AOPEP: variants seen among roughly 807,000 people sequenced by gnomAD.
AOPEP encodes the protein aminopeptidase O.
In AOPEP, 77 loss-of-function variants were observed where a neutral mutation model predicts 98.1. The observed-to-expected ratio is 0.78, with a 90% CI of 0.65 to 0.95. The LOEUF is 0.95. Among genes scored for constraint, AOPEP ranks in the 40% least tolerant of loss-of-function variants. The probability of loss-of-function intolerance (pLI) is 0.00; values close to 1 mark genes in which losing one functional copy is unlikely to be tolerated. For synonymous variants in AOPEP, 346 were observed against 365.3 expected, an observed-to-expected ratio of 0.95 and a Z score of 0.60; for missense variants, 1,024 against 1,024.7, an observed-to-expected ratio of 1.00 and a Z score of 0.01.
At chr9:94,965,179 T>C (rs558584007) in intron 9 of AOPEP, among the ~76,000 whole-genome samples, 2 of 152,384 alleles carry the variant, frequency 1.3e-5, no homozygotes, top group East Asian at 3.9e-4. Flanking sequence ...TATTTTTCTC[T>C]GTATATCCAC....
chr9:94,810,851 A>G (rs1850413050), intron 5 of AOPEP, among the ~76,000 whole-genome samples: 2 of 152,176 alleles, frequency 1.3e-5, no homozygotes, highest in Admixed American at 1.3e-4. Flanking sequence ...ACAGATCTCA[A>G]GGGCAGGGGC....
chr9:94,762,122 A>G (rs1838444326), intron 2 of AOPEP, among the ~76,000 whole-genome samples: 1 of 152,218 alleles, frequency 6.6e-6, no homozygotes, highest in African/African-American at 2.4e-5. Context: ...AAAAGTGATG[A>G]GTACTTACAG....
At chr9:95,113,381 A>G in the AOPEP span, among the ~76,000 whole-genome samples, 1 of 152,216 alleles carries the variant, frequency 6.6e-6, no homozygotes, top group Non-Finnish European at 1.5e-5. Context: ...GACAATGAAT[A>G]AAATTATACT....
In AOPEP at chr9:94,967,755, C is replaced by A; in HGVS notation, c.1873-3C>A. 6.2e-7 allele frequency: 1 copy of A among 1,612,276 alleles called. No individual in the cohort carries two copies. The highest frequency in any genetic ancestry group is 8.5e-7 in the Non-Finnish European group (1 of 1,178,536). On this transcript the variant is annotated splice_polypyrimidine_tract_variant and splice_region_variant and intron_variant, in intron 9 of 16. Coordinates refer to ENST00000375315, the MANE Select transcript of AOPEP (RefSeq NM_001193329.3). ...TTTAATGATTTGCTTTTTTTAATCC[C>A]AGGATTTCCTTCAAATGCTACTGGA...
intron 7 of AOPEP, among the ~76,000 whole-genome samples, chr9:94,946,995 G>A (rs2057706804): frequency 7.0e-6 from 1 of 143,320 alleles, no homozygotes; most frequent in East Asian, 2.0e-4. Flanking sequence ...TTTTTTTTTC[G>A]AGATAGAGTC....
intron 7 of AOPEP, among the ~76,000 whole-genome samples, chr9:94,931,112 A>G (rs1329063190): frequency 6.6e-6 from 1 of 152,028 alleles, no homozygotes; most frequent in African/African-American, 2.4e-5. Context: ...TGTGTTTCCA[A>G]CTTGTAAGCA....
intron 16 of AOPEP, chr9:95,085,257 A>T: frequency 2.0e-6 from 1 of 493,268 alleles, no homozygotes; most frequent in Non-Finnish European, 4.2e-6. Context: ...TTGTGACTTA[A>T]GATTAAAATC....
the AOPEP span, among the ~76,000 whole-genome samples, chr9:95,119,627 G>A: frequency 6.6e-6 from 1 of 152,076 alleles, no homozygotes; most frequent in African/African-American, 2.4e-5. Context: ...GCCTTGCAAA[G>A]TGCTAGGATT....
chr9:95,139,679 A>G, the AOPEP span, among the ~76,000 whole-genome samples: 2 of 151,794 alleles, frequency 1.3e-5, no homozygotes, highest in African/African-American at 2.4e-5. Context: ...TGTTTTGACA[A>G]TGAGCAGACA....
chr9:95,132,655 C>G, the AOPEP span, among the ~76,000 whole-genome samples: 5 of 152,134 alleles, frequency 3.3e-5, no homozygotes, highest in Admixed American at 6.5e-5. Flanking sequence ...CAAAAGTGAA[C>G]GGGTTTTGAA....
the AOPEP span, chr9:95,135,483 T>G: frequency 1.2e-6 from 2 of 1,613,988 alleles, no homozygotes; most frequent in Non-Finnish European, 1.7e-6. Context: ...ACAGCTGACA[T>G]GGGGAGAGAA....
At chr9:95,090,585 A>G (rs577345555), downstream of AOPEP, among the ~76,000 whole-genome samples, 1 of 152,056 alleles carries the variant, frequency 6.6e-6, no homozygotes, top group Non-Finnish European at 1.5e-5. Flanking sequence ...CACACCCTGC[A>G]CTTGGTCGCC....
chr9:94,983,146 G>T (rs765397814), intron 11 of AOPEP, among the ~76,000 whole-genome samples: 13 of 152,254 alleles, frequency 8.5e-5, no homozygotes, highest in Middle Eastern at 3.4e-3. Flanking sequence ...TTCTGCCTCA[G>T]CCTCCCTAGC....
chr9:94,801,516 T>C (rs2133762992), intron 5 of AOPEP, among the ~76,000 whole-genome samples: 1 of 152,344 alleles, frequency 6.6e-6, no homozygotes, highest in African/African-American at 2.4e-5. Flanking sequence ...AGTGTAAATC[T>C]ATCCCTACTG....
At chr9:94,747,389 C>A (rs563390385) in intron 1 of AOPEP, among the ~76,000 whole-genome samples, 4 of 152,170 alleles carry the variant, frequency 2.6e-5, no homozygotes, top group South Asian at 2.1e-4. Flanking sequence ...TAGTGAAAGA[C>A]CCTATTGTAG....
At chr9:95,080,657 T>G (rs1475390414) in intron 14 of AOPEP, 37 bp from the exon 15 acceptor site, 1 of 1,541,812 alleles carries the variant, frequency 6.5e-7, no homozygotes. Context: ...GATGCCTGCC[T>G]GCTTGTCGCT....
Position 94,854,336 on chromosome 9 carries a change from T to A in AOPEP, c.1364+53334T>A, listed in dbSNP as rs144240036. On this transcript the variant is annotated intron_variant, in intron 5 of 16. Transcript: ENST00000375315. ...AGGCAAAGGTGCCTCATGAAAGATT[T>A]TGGAATGTGGTATGAATTAAAAACA... Among the ~76,000 whole-genome samples the A allele has an allele frequency of 2.5e-4, 38 of 152,312 alleles. No individual in the cohort carries two copies. The East Asian group carries it at 4.6e-3, about 19-fold the overall frequency.
intron 2 of AOPEP, among the ~76,000 whole-genome samples, chr9:94,762,218 C>T (rs377677581): frequency 3.9e-5 from 6 of 152,096 alleles, no homozygotes; most frequent in East Asian, 1.9e-4. Flanking sequence ...GAGGCTGAGG[C>T]GGGTGGATCA....
chr9:94,763,923 C>T, intron 2 of AOPEP, among the ~76,000 whole-genome samples: 1 of 152,110 alleles, frequency 6.6e-6, no homozygotes, highest in East Asian at 1.9e-4. Flanking sequence ...CAAAACAATT[C>T]CAAGTTAGTT....
Sources: allele counts gnomAD v4.1 joint callset (sites outside exome capture counted in the v4.1 genomes callset), GRCh38; gene constraint gnomAD v4.1.1; transcripts MANE v1.5; gene names NCBI Gene and HGNC (gene_info 2026-07-23, HGNC 2026-07-21).